Variants in CNIH1 observed in about 807,000 individuals in gnomAD.
CNIH1 encodes the protein cornichon family member 1.
In CNIH1, 12 loss-of-function variants were observed where a neutral mutation model predicts 20.2. The observed-to-expected ratio is 0.59, with a 90% CI of 0.38 to 0.96. The LOEUF is 0.96. Among genes scored for constraint, CNIH1 ranks in the 40% least tolerant of loss-of-function variants. The probability of loss-of-function intolerance (pLI) is 0.00; values close to 1 mark genes in which losing one functional copy is unlikely to be tolerated. For synonymous variants in CNIH1, 69 were observed against 63.3 expected (o/e 1.09, Z -0.43); for missense variants, 152 against 178.8 (o/e 0.85, Z 0.85).
At chr14:54,439,889 A>G in intron 1 of CNIH1, among the ~76,000 whole-genome samples, 1 of 152,144 alleles carries the variant, frequency 6.6e-6, no homozygotes, top group East Asian at 1.9e-4. Context: ...ACTAAGGTTG[A>G]GCTAGTCTGT....
intron 1 of CNIH1, among the ~76,000 whole-genome samples, chr14:54,438,326 C>CTA (rs769697293): frequency 1.2e-4 from 19 of 152,228 alleles, no homozygotes; most frequent in Non-Finnish European, 2.6e-4. Context: ...TCTTTGAGTG[C>CTA]TATAGGCTAG....
At chr14:54,430,556 C>T (rs2030914070) in intron 3 of CNIH1, 152 bp from the exon 4 acceptor site, 2 of 664,958 alleles carry the variant, frequency 3.0e-6, no homozygotes, top group Non-Finnish European at 4.7e-6. Context: ...CTTTTACCAT[C>T]TTAATTTTAA....
At chr14:54,429,817 T>C (rs2030898419) in intron 4 of CNIH1, among the ~76,000 whole-genome samples, 1 of 151,992 alleles carries the variant, frequency 6.6e-6, no homozygotes. Context: ...CTTCTTTCAT[T>C]CATACCACTC....
At position 54,430,413 on chromosome 14, in the gene CNIH1, AAC is replaced by A; in HGVS notation, c.264-11_264-10del. 6.2e-7 allele frequency: 1 copy of A among 1,611,648 alleles called. No homozygotes were observed. The highest frequency in any genetic ancestry group is 2.2e-5 in the East Asian group (1 of 44,822). ...CTGGTCTACTCATATACCTGGAATAAACACAGTCTATTAGGCATTCAGAAAGG... is the reference window on the plus strand; with the variant it reads ...CTGGTCTACTCATATACCTGGAATAAACAGTCTATTAGGCATTCAGAAAGG... On this transcript the variant is annotated splice_polypyrimidine_tract_variant and intron_variant, in intron 3 of 4. Transcript: ENST00000216416.
chr14:54,437,729 A>G (rs1315952545), intron 1 of CNIH1, among the ~76,000 whole-genome samples: 2 of 152,016 alleles, frequency 1.3e-5, no homozygotes, highest in Non-Finnish European at 2.9e-5. Flanking sequence ...GGCTAATGAC[A>G]CCTAACACAA....
At chr14:54,438,711 A>C (rs1362973325) in intron 1 of CNIH1, among the ~76,000 whole-genome samples, 1 of 152,234 alleles carries the variant, frequency 6.6e-6, no homozygotes, top group Non-Finnish European at 1.5e-5. Context: ...GAGTCTTCTG[A>C]AAGATACTTC....
rs2030821192 is a variant in CNIH1, at chr14:54,426,035, T to C, written c.*1779A>G. On this transcript the variant is annotated 3_prime_UTR_variant, in exon 5 of 5. Transcript: ENST00000216416. ...TGAACAAGAAAGAAAACTAAGTGCATGCTGATGTAATCAGGTGGACTGGAA... is the reference window on the plus strand; with the variant it reads ...TGAACAAGAAAGAAAACTAAGTGCACGCTGATGTAATCAGGTGGACTGGAA... 1 of 152,166 alleles carries C rather than the reference T, an allele frequency of 6.6e-6. No homozygotes were observed. The highest frequency in any genetic ancestry group is 2.4e-5 in the African/African-American group (1 of 41,448). 9.4% of individuals were successfully genotyped at this position (152,166 alleles called of 1,614,324 possible). A position where few individuals can be genotyped will look rare whatever the true frequency, so the allele number is the denominator to read the frequency against.
intron 1 of CNIH1, among the ~76,000 whole-genome samples, chr14:54,438,659 T>C (rs976111818): frequency 6.6e-6 from 1 of 152,212 alleles, no homozygotes; most frequent in Non-Finnish European, 1.5e-5. Context: ...CAGTGATTAA[T>C]GTAAATAAGA....
chr14:54,436,890 T>C (rs1282491006), intron 1 of CNIH1: 1 of 366,196 alleles, frequency 2.7e-6, no homozygotes, highest in Non-Finnish European at 5.3e-6. Context: ...TGGGACTCTA[T>C]AATGCCATCG....
rs1014830710 is a variant in CNIH1, at chr14:54,437,316, T to G, written c.82-879A>C. On this transcript the variant is annotated intron_variant, in intron 1 of 4. Coordinates refer to ENST00000216416, the MANE Select transcript of CNIH1 (RefSeq NM_005776.3). Reference sequence around the variant, plus strand: ...CTAAGCTACCCTTCCCTTAATGAGTTAGGAATAGTATCTTTATATGTGAAA... The same window carrying G: ...CTAAGCTACCCTTCCCTTAATGAGTGAGGAATAGTATCTTTATATGTGAAA... Among the ~76,000 whole-genome samples, 6 of 152,344 alleles carry G rather than the reference T, an allele frequency of 3.9e-5. 1 individual carries two copies. The highest frequency in any genetic ancestry group is 1.4e-4 in the African/African-American group (6 of 41,578).
rs1402924041 is a variant in CNIH1 at position 54,424,198 on chromosome 14, C to T, written c.*3616G>A. The T allele has an allele frequency of 6.6e-6, 1 of 152,154 alleles. No homozygotes were observed. The highest frequency in any genetic ancestry group is 1.5e-5 in the Non-Finnish European group (1 of 68,034). 9.4% of individuals were successfully genotyped at this position (152,154 alleles called of 1,614,324 possible). A position where few individuals can be genotyped will look rare whatever the true frequency, so the allele number is the denominator to read the frequency against. The stretch of plus-strand genomic sequence containing the variant: ...TCAATGATTGGTTTGAGCAAAGGAG[C>T]TTAAAATGATCTAAGGCTAGCATGA... On this transcript the variant is annotated 3_prime_UTR_variant, in exon 5 of 5. Coordinates refer to ENST00000216416, the MANE Select transcript of CNIH1 (RefSeq NM_005776.3).
intron 2 of CNIH1, among the ~76,000 whole-genome samples, chr14:54,434,243 T>A (rs1256791291): frequency 6.6e-6 from 1 of 152,126 alleles, no homozygotes; most frequent in Non-Finnish European, 1.5e-5. Context: ...TGGCACCCTA[T>A]CCAAAAGGCA....
intron 3 of CNIH1, among the ~76,000 whole-genome samples, chr14:54,431,408 G>A (rs1043155062): frequency 5.3e-5 from 8 of 152,190 alleles, no homozygotes; most frequent in Non-Finnish European, 1.2e-4. Flanking sequence ...TTACAGGCGT[G>A]AGCCACTGCG....
chr14:54,439,131 G>A (rs1470907996), intron 1 of CNIH1, among the ~76,000 whole-genome samples: 2 of 152,094 alleles, frequency 1.3e-5, no homozygotes, highest in African/African-American at 4.8e-5. Context: ...ATAAAGGAAT[G>A]GACTAAGATA....
intron 4 of CNIH1, among the ~76,000 whole-genome samples, chr14:54,428,436 CAG>C (rs2030869089): frequency 6.6e-6 from 1 of 152,212 alleles, no homozygotes; most frequent in South Asian, 2.1e-4. Context: ...GGCAATTCTA[CAG>C]AGTGCTATGG....
At chr14:54,431,192 G>A (rs571146409) in intron 3 of CNIH1, among the ~76,000 whole-genome samples, 63 of 151,352 alleles carry the variant, frequency 4.2e-4, no homozygotes, top group Non-Finnish European at 2.7e-4. Flanking sequence ...GCAGTGACAC[G>A]ATCTTGGCTA....
Position 54,441,313 on chromosome 14 carries a change from G to A in CNIH1, c.15C>T (p.Phe5=). Residue 5 remains phenylalanine, a synonymous_variant, in exon 1 of 5, where the codon TTC becomes TTT. Transcript: ENST00000216416. ...GCGCCAGCATGTAGCAGAAGGCCGC[G>A]AACGTGAACGCCATGGCTGGGGAGG... The part of the protein sequence containing the change: MAFT[F]AAFCYMLALL... 2 of 1,513,890 alleles carry A rather than the reference G, an allele frequency of 1.3e-6. No individual in the cohort carries two copies. The highest frequency in any genetic ancestry group is 1.8e-6 in the Non-Finnish European group (2 of 1,126,790). 93.8% of individuals were successfully genotyped at this position (1,513,890 alleles called of 1,614,324 possible). A position where few individuals can be genotyped will look rare whatever the true frequency, so the allele number is the denominator to read the frequency against.
At chr14:54,439,679 A>G (rs2031129891) in intron 1 of CNIH1, among the ~76,000 whole-genome samples, 1 of 151,672 alleles carries the variant, frequency 6.6e-6, no homozygotes, top group Non-Finnish European at 1.5e-5. Context: ...CCTCCCGAGT[A>G]GCTGGGATTA....
intron 4 of CNIH1, among the ~76,000 whole-genome samples, chr14:54,429,768 C>A (rs915555081): frequency 2.6e-5 from 4 of 151,898 alleles, no homozygotes; most frequent in African/African-American, 9.7e-5. Context: ...AAAAAAAGAA[C>A]AAAAATCGGA....
Sources: allele counts gnomAD v4.1 joint callset (sites outside exome capture counted in the v4.1 genomes callset), GRCh38; gene constraint gnomAD v4.1.1; transcripts MANE v1.5; gene names NCBI Gene and HGNC (gene_info 2026-07-23, HGNC 2026-07-21).